Variants in NTM observed in about 807,000 individuals in gnomAD.
The protein encoded by NTM is neurotrimin.
A neutral mutation model predicts 42.1 loss-of-function variants in NTM; 13 were observed. That is an observed-to-expected ratio of 0.31 (90% confidence interval 0.20 to 0.49). NTM has a LOEUF of 0.49. NTM is among the 20% of genes least tolerant of loss of function. The pLI, the probability that NTM is intolerant of heterozygous loss-of-function variation, is 0.99. For synonymous variants in NTM, 187 were observed against 179.2 expected (o/e 1.04, Z -0.35); for missense variants, 373 against 452.8 (o/e 0.82, Z 1.60).
chr11:131,796,456 C>T (rs1286470033), intron 1 of NTM, among the ~76,000 whole-genome samples: 1 of 152,224 alleles, frequency 6.6e-6, no homozygotes, highest in Non-Finnish European at 1.5e-5. Context: ...CTAGTGGCTG[C>T]TGCCAGTATG....
rs57727963 is a variant in NTM at position 131,811,012 on chromosome 11, C to T, written c.83-100552C>T. ...AATACTAAAGTTTACAAATGAAATA[C>T]TTTAAAAAATCAGAACAGATTCAAA... On this transcript the variant is annotated intron_variant, in intron 1 of 8. Coordinates refer to ENST00000683400, the MANE Select transcript of NTM (RefSeq NM_001352005.2). Among the ~76,000 whole-genome samples, 1,301 of 152,270 alleles carry T rather than the reference C, an allele frequency of 8.5e-3. 21 individuals are homozygous for T. The highest frequency in any genetic ancestry group is 0.029 in the African/African-American group (1,224 of 41,556).
chr11:132,052,370 TAGAC>T (rs2078973578), intron 2 of NTM, among the ~76,000 whole-genome samples: 1 of 152,132 alleles, frequency 6.6e-6, no homozygotes, highest in South Asian at 2.1e-4. Context: ...TTTCCCCCCT[TAGAC>T]AGTGATGTTT....
Position 132,310,171 on chromosome 11 carries a change from C to A in NTM, c.721C>A (p.Leu241Met), listed in dbSNP as rs1327111979. 1 of 1,611,532 alleles carries A rather than the reference C, an allele frequency of 6.2e-7. No individual in the cohort carries two copies. Among genetic ancestry groups the A allele is most frequent in the South Asian group, 1.1e-5 (1 of 90,584 alleles). Residue 241 changes from leucine (L) to methionine (M), a missense_variant, in exon 6 of 9, where the codon CTG becomes ATG. Coordinates refer to ENST00000683400, the MANE Select transcript of NTM (RefSeq NM_001352005.2). ...TGVPVGQKGT[L>M]QCEASAVPSA... is the part of the protein sequence containing the mutation. ...TGTCCCCGTGGGACAAAAGGGGACA[C>A]TGCAGTGTGAAGCCTCAGCAGTCCC...
intron 4 of NTM, among the ~76,000 whole-genome samples, chr11:132,244,890 A>T (rs955809537): frequency 2.4e-4 from 36 of 152,226 alleles, no homozygotes. Context: ...AGCAGAATAT[A>T]AACAGAATAA....
At chr11:131,616,206 G>C (rs2061917700) in intron 1 of NTM, among the ~76,000 whole-genome samples, 1 of 152,218 alleles carries the variant, frequency 6.6e-6, no homozygotes, top group Non-Finnish European at 1.5e-5. Context: ...TGCATCCTCT[G>C]CGCAGCACTG....
intron 2 of NTM, among the ~76,000 whole-genome samples, chr11:132,085,239 A>G (rs2059558523): frequency 6.6e-6 from 1 of 152,188 alleles, no homozygotes; most frequent in African/African-American, 2.4e-5. Context: ...CTTGCATGTA[A>G]ATGTATTTTC....
intron 2 of NTM, among the ~76,000 whole-genome samples, chr11:131,939,790 A>G (rs778707967): frequency 2.0e-5 from 3 of 152,214 alleles, no homozygotes; most frequent in Non-Finnish European, 4.4e-5. Flanking sequence ...TGGATTTTCA[A>G]GATTCTTCTT....
Position 131,652,827 on chromosome 11 carries a change from C to G in NTM, c.83-258737C>G, listed in dbSNP as rs542957320. ...GGAATCTGAGCAAGTCGGGGCACTC[C>G]AGACCCTCCGATCAGGAAGTACGCC... On this transcript the variant is annotated intron_variant, in intron 1 of 8. Coordinates refer to ENST00000683400, the MANE Select transcript of NTM (RefSeq NM_001352005.2). Among the ~76,000 whole-genome samples, 5 of 152,338 alleles carry G rather than the reference C, an allele frequency of 3.3e-5. No individual in the cohort carries two copies. In the East Asian group the frequency reaches 9.7e-4, roughly 29 times the overall value.
At chr11:132,317,360 G>GCATGGCTCAGCATGAGCTAAGAGT (rs1400618077) in intron 7 of NTM, among the ~76,000 whole-genome samples, 4 of 152,198 alleles carry the variant, frequency 2.6e-5, no homozygotes, top group African/African-American at 9.7e-5. Flanking sequence ...CCAGTTAGTA[G>GCATGGCTCAGCATGAGCTAAGAGT]CATGGCTCAG....
At chr11:131,542,003 C>T (rs1237763700) in intron 1 of NTM, among the ~76,000 whole-genome samples, 1 of 152,130 alleles carries the variant, frequency 6.6e-6, no homozygotes. Context: ...AGTGCAGCTT[C>T]CAGAAGACTG....
chr11:132,262,003 T>A (rs2092888892), intron 4 of NTM, among the ~76,000 whole-genome samples: 1 of 152,172 alleles, frequency 6.6e-6, no homozygotes, highest in South Asian at 2.1e-4. Context: ...CTGTGGTCTT[T>A]CCTCAACTCT....
intron 1 of NTM, among the ~76,000 whole-genome samples, chr11:131,469,226 C>T (rs1952186212): frequency 6.6e-6 from 1 of 152,296 alleles, no homozygotes; most frequent in South Asian, 2.1e-4. Flanking sequence ...TCTGTGAATG[C>T]TTCTGTAAGA....
intron 7 of NTM, among the ~76,000 whole-genome samples, chr11:132,321,436 G>GATGAAATGA (rs1555096949): frequency 6.6e-6 from 1 of 152,088 alleles, no homozygotes; most frequent in Non-Finnish European, 1.5e-5. Flanking sequence ...AGCAATGGAA[G>GATGAAATGA]ATGAAATGAA....
intron 2 of NTM, among the ~76,000 whole-genome samples, chr11:131,978,436 T>C (rs2064741646): frequency 6.6e-6 from 1 of 152,146 alleles, no homozygotes. Flanking sequence ...CAAATCTTAC[T>C]CATTATTAAG....
intron 1 of NTM, among the ~76,000 whole-genome samples, chr11:131,676,437 C>G (rs76744670): frequency 0.032 from 4,835 of 150,980 alleles, 254 homozygotes; most frequent in African/African-American, 0.11. Flanking sequence ...GTGTGTGTAT[C>G]TGTGTGTGTG....
Position 132,314,696 on chromosome 11 carries a change from G to A in NTM, c.927G>A (p.Met309Ile). The A allele has an allele frequency of 6.2e-7, 1 of 1,612,200 alleles. No individual in the cohort carries two copies. Among genetic ancestry groups the A allele is most frequent in the South Asian group, 1.1e-5 (1 of 90,524 alleles). Residue 309 changes from methionine to isoleucine, a missense_variant, in exon 7 of 9, where the codon ATG becomes ATA. Physicochemically the swap from Met to Ile is conservative, Grantham distance 10 (BLOSUM62 1). This residue lies in a region of NTM where 312 missense variants were observed against 353.5 expected (regional missense o/e 0.88). Transcript: ENST00000683400. The part of the protein sequence containing the change: ...NKLGHTNASI[M>I]LFEVKTTALT... ...TGGGCCACACCAATGCCAGCATCAT[G>A]CTATTTGGTGAGACTGTGCTCTGAG...
At chr11:131,496,908 A>G (rs1247721484) in intron 1 of NTM, among the ~76,000 whole-genome samples, 5 of 152,156 alleles carry the variant, frequency 3.3e-5, no homozygotes, top group Non-Finnish European at 7.4e-5. Flanking sequence ...AGCACAACCA[A>G]CCACAGAACT....
intron 2 of NTM, among the ~76,000 whole-genome samples, chr11:132,087,064 A>G (rs1268486771): frequency 1.3e-5 from 2 of 152,178 alleles, no homozygotes; most frequent in African/African-American, 2.4e-5. Flanking sequence ...GGAGCCCTGC[A>G]TCCCTGGTTC....
intron 1 of NTM, among the ~76,000 whole-genome samples, chr11:131,514,958 G>A (rs1448016187): frequency 1.3e-5 from 2 of 152,078 alleles, no homozygotes; most frequent in African/African-American, 2.4e-5. Flanking sequence ...CACTCAGGCT[G>A]GAGTGCATGG....
Sources: gnomAD v4.1 joint callset for allele counts (sites outside exome capture counted in the v4.1 genomes callset) on GRCh38, gnomAD v4.1.1 for gene constraint, gnomAD v4.1.1 regional missense constraint, MANE v1.5 for transcripts, NCBI Gene and HGNC (gene_info 2026-07-23, HGNC 2026-07-21) for gene names.